The following DNAH9 variants were observed in gnomAD, a reference collection of about 807,000 sequenced individuals.
DNAH9 encodes DNAH9 variant protein.
Under a neutral mutation model 471.6 loss-of-function variants are expected in DNAH9, and 345 were observed. The observed-to-expected ratio is 0.73, with a 90% CI of 0.67 to 0.80. The LOEUF is 0.80. Ranked by LOEUF, DNAH9 falls within the 30% of genes least tolerant of loss-of-function variation. The pLI, the probability that DNAH9 is intolerant of heterozygous loss-of-function variation, is 0.00. For synonymous variants in DNAH9, 2,093 were observed against 2,123.6 expected (o/e 0.99, Z 0.40); for missense variants, 5,407 against 5,609.2 (o/e 0.96, Z 1.15).
intron 27 of DNAH9, among the ~76,000 whole-genome samples, chr17:11,725,754 C>A (rs770971554): frequency 2.6e-5 from 4 of 152,094 alleles, no homozygotes; most frequent in Non-Finnish European, 5.9e-5. Context: ...GTAATCTTAG[C>A]TACTTGGGAG....
At chr17:11,930,461 A>G (rs776128275) in intron 63 of DNAH9, among the ~76,000 whole-genome samples, 1 of 152,132 alleles carries the variant, frequency 6.6e-6, no homozygotes, top group Non-Finnish European at 1.5e-5. Context: ...GATACTGTCA[A>G]TCAGATGATA....
At chr17:11,817,914 AG>A (rs1970159079) in intron 45 of DNAH9, among the ~76,000 whole-genome samples, 2 of 152,246 alleles carry the variant, frequency 1.3e-5, no homozygotes, top group African/African-American at 4.8e-5. Context: ...AAATGATAAA[AG>A]CTAATTAGTA....
At chr17:11,726,621 A>G (rs901562860) in intron 27 of DNAH9, among the ~76,000 whole-genome samples, 3 of 152,180 alleles carry the variant, frequency 2.0e-5, no homozygotes, top group African/African-American at 7.2e-5. Context: ...ATATTATTCA[A>G]TGGAACCACT....
chr17:11,617,841 C>A (rs1046692611), intron 5 of DNAH9, among the ~76,000 whole-genome samples: 1 of 152,192 alleles, frequency 6.6e-6, no homozygotes, highest in African/African-American at 2.4e-5. Context: ...TCTTCCTTTC[C>A]CCTCTGCCTA....
At chr17:11,903,114 G>A (rs1325315253) in intron 60 of DNAH9, among the ~76,000 whole-genome samples, 3 of 152,138 alleles carry the variant, frequency 2.0e-5, no homozygotes, top group African/African-American at 7.2e-5. Context: ...GCCGAGGCAG[G>A]TGGATCACAA....
chr17:11,821,048 G>A (rs1330552587), intron 45 of DNAH9, among the ~76,000 whole-genome samples: 6 of 152,078 alleles, frequency 3.9e-5, no homozygotes, highest in East Asian at 1.9e-4. Context: ...TTGGGAGGCC[G>A]AGGCGGGTGG....
chr17:11,829,616 T>C (rs1427522069), intron 48 of DNAH9, among the ~76,000 whole-genome samples: 2 of 151,980 alleles, frequency 1.3e-5, no homozygotes, highest in African/African-American at 4.8e-5. Context: ...GAACTACAGG[T>C]GCGTGCCACC....
At chr17:11,843,634 C>T (rs1188365495) in intron 49 of DNAH9, among the ~76,000 whole-genome samples, 1 of 151,042 alleles carries the variant, frequency 6.6e-6, no homozygotes, top group Non-Finnish European at 1.5e-5. Context: ...ATTAAAGATC[C>T]AATAACCTAC....
intron 61 of DNAH9, among the ~76,000 whole-genome samples, chr17:11,923,346 C>T (rs1229641546): frequency 6.6e-6 from 1 of 151,820 alleles, no homozygotes; most frequent in East Asian, 1.9e-4. Context: ...TCCCAAAGTG[C>T]TGGGATTACA....
intron 27 of DNAH9, among the ~76,000 whole-genome samples, chr17:11,722,865 G>C (rs1035115367): frequency 6.6e-6 from 1 of 152,130 alleles, no homozygotes; most frequent in Non-Finnish European, 1.5e-5. Context: ...TCAATTTGGA[G>C]ATGCTATTGC....
At chr17:11,632,504 C>A in intron 7 of DNAH9, 83 bp from the exon 8 acceptor site, 1 of 712,048 alleles carries the variant, frequency 1.4e-6, no homozygotes, top group Non-Finnish European at 2.5e-6. Flanking sequence ...CCAGTTCAAA[C>A]ACAAAAGTTA....
intron 8 of DNAH9, among the ~76,000 whole-genome samples, chr17:11,634,658 C>T (rs1440527785): frequency 6.6e-6 from 1 of 152,166 alleles, no homozygotes; most frequent in Admixed American, 6.5e-5. Flanking sequence ...GAAAGTGTGA[C>T]CCTAGATCCT....
chr17:11,784,790 G>A (rs1228618818), intron 41 of DNAH9, among the ~76,000 whole-genome samples: 1 of 152,066 alleles, frequency 6.6e-6, no homozygotes, highest in East Asian at 1.9e-4. Flanking sequence ...TTGGTTCCCT[G>A]GGGGCTGCAG....
chr17:11,803,184 T>C (rs1969531867), intron 43 of DNAH9, among the ~76,000 whole-genome samples: 1 of 152,258 alleles, frequency 6.6e-6, no homozygotes, highest in South Asian at 2.1e-4. Flanking sequence ...CTTGTTCTGC[T>C]TTTTCTTCAA....
intron 45 of DNAH9, among the ~76,000 whole-genome samples, chr17:11,811,148 A>G (rs1969884041): frequency 6.6e-6 from 1 of 152,082 alleles, no homozygotes; most frequent in Middle Eastern, 3.2e-3. Context: ...TGCCATCTCT[A>G]CTAAAAATAC....
rs754211366 is a variant in DNAH9 at position 11,619,743 on chromosome 17, C to T, written c.1312C>T (p.Arg438Ter). 9 of 1,613,640 alleles carry T rather than the reference C, an allele frequency of 5.6e-6. No homozygotes were observed. The highest frequency in any genetic ancestry group is 1.7e-4 in the Middle Eastern group (1 of 6,060). ...WDFQSSLVFVRLDGFLGQLHV... is the reference protein window; with the variant it reads ...WDFQSSLVFV ...TTTCCAGTCTTCTTTGGTCTTTGTG[C>T]GATTGGATGGCTTCCTGGGACAACT... Residue 438 changes from arginine to a stop codon, truncating the protein, a stop_gained, in exon 6 of 69, where the codon CGA (arginine) becomes TGA (stop). Coordinates refer to ENST00000262442, the MANE Select transcript of DNAH9 (RefSeq NM_001372.4). LOFTEE classifies it high-confidence loss of function.
intron 1 of DNAH9, among the ~76,000 whole-genome samples, chr17:11,605,383 C>T (rs771564001): frequency 6.6e-6 from 1 of 152,156 alleles, no homozygotes; most frequent in Non-Finnish European, 1.5e-5. Flanking sequence ...CTGTTTTGTT[C>T]ACGGGTGTAT....
intron 44 of DNAH9, among the ~76,000 whole-genome samples, chr17:11,809,594 T>C (rs550034750): frequency 1.3e-5 from 2 of 151,952 alleles, no homozygotes; most frequent in African/African-American, 4.8e-5. Flanking sequence ...AAATAAAAAC[T>C]ACAAGACCCT....
Position 11,932,006 on chromosome 17 carries a change from C to G in DNAH9, c.12106-8C>G. On this transcript the variant is annotated splice_region_variant and splice_polypyrimidine_tract_variant and intron_variant, in intron 63 of 68. Coordinates refer to ENST00000262442, the MANE Select transcript of DNAH9 (RefSeq NM_001372.4). This position sits in a 1 kb window ranked among gnomAD's most constrained non-coding sequence, Gnocchi z 4.3. ...GTGCGAACCTTAAAAGCGACACTCTCATTTCAGGACACTCTGGAGATGTGT... is the reference window on the plus strand; with the variant it reads ...GTGCGAACCTTAAAAGCGACACTCTGATTTCAGGACACTCTGGAGATGTGT... 1 of 1,613,560 alleles carries G rather than the reference C, an allele frequency of 6.2e-7. No individual in the cohort carries two copies. The highest frequency in any genetic ancestry group is 8.5e-7 in the Non-Finnish European group (1 of 1,179,604).
Sources: gnomAD v4.1 joint callset for allele counts (sites outside exome capture counted in the v4.1 genomes callset) on GRCh38, gnomAD v4.1.1 for gene constraint, Gnocchi (gnomAD v3.1) non-coding constraint, MANE v1.5 for transcripts, NCBI Gene and HGNC (gene_info 2026-07-23, HGNC 2026-07-21) for gene names.